Variants in FUCA2 observed in about 807,000 individuals in gnomAD.
FUCA2 encodes the protein plasma alpha-L-fucosidase.
A neutral mutation model predicts 52.6 loss-of-function variants in FUCA2; 41 were observed. That is an observed-to-expected ratio of 0.78 (90% CI 0.61 to 1.01). The LOEUF (loss-of-function observed/expected upper bound fraction) is 1.01. Ranked by LOEUF, FUCA2 falls within the 50% of genes least tolerant of loss-of-function variation. FUCA2 has a pLI of 0.00. For synonymous variants in FUCA2, 211 were observed against 217.3 expected (o/e 0.97, Z 0.26); for missense variants, 507 against 569.5 (o/e 0.89, Z 1.12).
At position 143,502,102 on chromosome 6, in the gene FUCA2, T is replaced by G. The variant is rs1477444178; in HGVS notation, c.984A>C (p.Ser328=). 6.2e-7 allele frequency: 1 copy of G among 1,608,638 alleles called. No homozygotes were observed. Among genetic ancestry groups the G allele is most frequent in the Admixed American group, 1.7e-5 (1 of 59,086 alleles). Residue 328 remains serine (S), a synonymous_variant, in exon 5 of 7, where the codon TCA becomes TCC. Coordinates refer to ENST00000002165, the MANE Select transcript of FUCA2 (RefSeq NM_032020.5). The surrounding 1 kb of genome is among the most constrained non-coding windows in gnomAD (Gnocchi z 4.1). ...ELVKQLVETV[S]CGGNLLMNIG... is the part of the protein sequence containing the mutation. ...TATTCATCAAAAGATTTCCTCCACA[T>G]GAAACTGTCTCTACAAGTTGCTAAA...
Position 143,502,304 on chromosome 6 carries a change from A to G in FUCA2, c.963+51T>C. ...CCATAGAAGAAATAATTCCTACATG[A>G]CCACACTATTAAGAATATTATGTTA... On this transcript the variant is annotated intron_variant, in intron 4 of 6. Transcript: ENST00000002165. This position sits in a 1 kb window ranked among gnomAD's most constrained non-coding sequence, Gnocchi z 4.1. 1 of 1,542,794 alleles carries G rather than the reference A, an allele frequency of 6.5e-7. No individual in the cohort carries two copies.
chr6:143,496,773 C>T (rs1780465711), intron 6 of FUCA2: 1 of 152,148 alleles, frequency 6.6e-6, no homozygotes, highest in South Asian at 2.1e-4. Flanking sequence ...TCAGGGAAAG[C>T]ATCCGAATTC....
chr6:143,511,712 G>T lies in FUCA2; in HGVS notation c.-78C>A. 1 of 1,322,200 alleles carries T rather than the reference G, an allele frequency of 7.6e-7. No individual in the cohort carries two copies. Among genetic ancestry groups the T allele is most frequent in the South Asian group, 1.6e-5 (1 of 63,662 alleles). The allele number at this position is 1,322,200 out of a possible 1,614,324, so 81.9% of individuals were successfully genotyped here. ...GCTGTTCTTCCGTCTCTGCCGCTGAGTATGCCGCGCCGCGGTCACCTGACC... is the reference window on the plus strand; with the variant it reads ...GCTGTTCTTCCGTCTCTGCCGCTGATTATGCCGCGCCGCGGTCACCTGACC... On this transcript the variant is annotated 5_prime_UTR_variant, in exon 1 of 7. Transcript: ENST00000002165. The surrounding 1 kb of genome is among the most constrained non-coding windows in gnomAD (Gnocchi z 6.3).
At position 143,507,152 on chromosome 6, in the gene FUCA2, A is replaced by G; in HGVS notation, c.412+85T>C. ...ATGGTTGCTCCGAAGAGAAAATTAGACCTTGCTTTAGTTTTTTCTTCCAAA... is the reference window on the plus strand; with the variant it reads ...ATGGTTGCTCCGAAGAGAAAATTAGGCCTTGCTTTAGTTTTTTCTTCCAAA... On this transcript the variant is annotated intron_variant, in intron 2 of 6. Coordinates refer to ENST00000002165, the MANE Select transcript of FUCA2 (RefSeq NM_032020.5). The surrounding 1 kb of genome is among the most constrained non-coding windows in gnomAD (Gnocchi z 4.5). 1 of 1,298,668 alleles carries G rather than the reference A, an allele frequency of 7.7e-7. No individual in the cohort carries two copies. The highest frequency in any genetic ancestry group is 1.1e-6 in the Non-Finnish European group (1 of 934,618). 80.4% of individuals were successfully genotyped at this position (1,298,668 alleles called of 1,614,324 possible). A position where few individuals can be genotyped will look rare whatever the true frequency, so the allele number is the denominator to read the frequency against.
rs769212130 is a variant in FUCA2 at position 143,511,458 on chromosome 6, G to T, written c.177C>A (p.Ile59=). The T allele has an allele frequency of 6.2e-7, 1 of 1,610,916 alleles. No individual in the cohort carries two copies. The highest frequency in any genetic ancestry group is 1.3e-5 in the African/African-American group (1 of 74,874). ...WFDQAKFGIF[I]HWGVFSVPSF... is the part of the protein sequence containing the mutation. ...TGGGCACGGAAAACACTCCCCAGTG[G>T]ATGAAGATGCCGAACTTGGCCTGGT... The change falls in exon 1 of 7, where the codon ATC becomes ATA. Residue 59 remains isoleucine, a synonymous_variant. Transcript: ENST00000002165. This position sits in a 1 kb window ranked among gnomAD's most constrained non-coding sequence, Gnocchi z 6.3.
chr6:143,499,068 G>A lies in FUCA2; in HGVS notation c.1155-1571C>T, dbSNP rs947839425. 6.6e-6 allele frequency among the ~76,000 whole-genome samples: 1 copy of A among 152,220 alleles called. No individual in the cohort carries two copies. The highest frequency in any genetic ancestry group is 2.4e-5 in the African/African-American group (1 of 41,458). ...TGAGATGGGAAAGACCATGGGTGGA[G>A]CTAGTTGATAGCAAAATTTTAAAAC... On this transcript the variant is annotated intron_variant, in intron 5 of 6. Coordinates refer to ENST00000002165, the MANE Select transcript of FUCA2 (RefSeq NM_032020.5). This position sits in a 1 kb window ranked among gnomAD's most constrained non-coding sequence, Gnocchi z 6.0.
rs111404250 is a variant in FUCA2 at position 143,497,529 on chromosome 6, A to G, written c.1155-32T>C. On this transcript the variant is annotated intron_variant, in intron 5 of 6. Transcript: ENST00000002165. This position sits in a 1 kb window ranked among gnomAD's most constrained non-coding sequence, Gnocchi z 5.3. ...AAAAGAAAAAAATAAAGAGCATAGT[A>G]GCAAGTTACATCCCATGTTTCTCAC... 3,119 of 1,157,728 alleles carry G rather than the reference A, an allele frequency of 2.7e-3. 41 individuals are homozygous for G. In the African/African-American group the frequency reaches 0.037, roughly 14 times the overall value. The allele number at this position is 1,157,728 out of a possible 1,614,324, so 71.7% of individuals were successfully genotyped here.
rs1341394501 is a variant in FUCA2, at chr6:143,502,481, A to T, written c.837T>A (p.Asp279Glu). Residue 279 changes from aspartate to glutamate, a missense_variant, in exon 4 of 7, where the codon GAT becomes GAA. Asp to Glu is a conservative substitution (Grantham distance 45). Coordinates refer to ENST00000002165, the MANE Select transcript of FUCA2 (RefSeq NM_032020.5). The surrounding 1 kb of genome is among the most constrained non-coding windows in gnomAD (Gnocchi z 4.1). ...GCAAAAGATGTCCTGGGTTATAACG[A>T]TCACTGCAGGTATAGAAGCCACCAT... ...CKHGGFYTCSDRYNPGHLLPH... is the reference protein window; with the variant it reads ...CKHGGFYTCSERYNPGHLLPH... The T allele has an allele frequency of 6.2e-7, 1 of 1,614,116 alleles. No homozygotes were observed.
chr6:143,497,872 C>T lies in FUCA2; in HGVS notation c.1155-375G>A, dbSNP rs575777419. ...AAGACAAGATATGCATGTGTCAATT[C>T]TGTGCCTAGTACTGTGCTCAGTGTT... On this transcript the variant is annotated intron_variant, in intron 5 of 6. Transcript: ENST00000002165. This position sits in a 1 kb window ranked among gnomAD's most constrained non-coding sequence, Gnocchi z 5.3. 2.6e-5 allele frequency among the ~76,000 whole-genome samples: 4 copies of T among 152,280 alleles called. No homozygotes were observed. In the East Asian group the frequency reaches 7.7e-4, roughly 29 times the overall value.
intron 2 of FUCA2, chr6:143,506,105 T>A (rs1287510692): frequency 2.0e-5 from 3 of 151,934 alleles, no homozygotes; most frequent in African/African-American, 7.2e-5. Context: ...GGGAAAAATA[T>A]CCTATGATCA....
At position 143,511,577 on chromosome 6, in the gene FUCA2, G is replaced by GCAGCAACAGCAA. The variant is rs781434054; in HGVS notation, c.46_57dup (p.Leu18_Leu21dup). ...GCAGGGCACGGCGGCGGCGGCAGCA[G>GCAGCAACAGCAA]CAGCAACAGCAACAGCAGCAACGGG... On this transcript the variant is annotated inframe_insertion, in exon 1 of 7. Transcript: ENST00000002165. This position sits in a 1 kb window ranked among gnomAD's most constrained non-coding sequence, Gnocchi z 6.3. The GCAGCAACAGCAA allele has an allele frequency of 1.3e-6, 2 of 1,559,658 alleles. No homozygotes were observed. Among genetic ancestry groups the GCAGCAACAGCAA allele is most frequent in the Non-Finnish European group, 1.7e-6 (2 of 1,152,590 alleles).
At position 143,503,411 on chromosome 6, in the gene FUCA2, C is replaced by A; in HGVS notation, c.752+502G>T. ...TCTAATAGGGCAGCCTTGAACATAC[C>A]AGGAAGCAATAGGAAAAAACTGGAG... On this transcript the variant is annotated intron_variant, in intron 3 of 6. Transcript: ENST00000002165. The surrounding 1 kb of genome is among the most constrained non-coding windows in gnomAD (Gnocchi z 4.8). 1 of 156,338 alleles carries A rather than the reference C, an allele frequency of 6.4e-6. No homozygotes were observed. The highest frequency in any genetic ancestry group is 6.3e-5 in the Admixed American group (1 of 15,864). The allele number at this position is 156,338 out of a possible 1,614,324, so 9.7% of individuals were successfully genotyped here.
rs1780545239 is a variant in FUCA2 at position 143,502,587 on chromosome 6, T to G, written c.753-22A>C. 6.3e-7 allele frequency: 1 copy of G among 1,591,908 alleles called. No homozygotes were observed. Among genetic ancestry groups the G allele is most frequent in the Non-Finnish European group, 8.6e-7 (1 of 1,168,998 alleles). Reference sequence around the variant, plus strand: ...TGGGCTGAAATGAAACATACAATTTTTTAAAACAAAAGGTATAAGCTTTTT... The same window carrying G: ...TGGGCTGAAATGAAACATACAATTTGTTAAAACAAAAGGTATAAGCTTTTT... On this transcript the variant is annotated intron_variant, in intron 3 of 6. Coordinates refer to ENST00000002165, the MANE Select transcript of FUCA2 (RefSeq NM_032020.5). The surrounding 1 kb of genome is among the most constrained non-coding windows in gnomAD (Gnocchi z 4.1).
In FUCA2 at chr6:143,511,285, A is replaced by C. The variant is rs1252133114; in HGVS notation, c.224+126T>G. ...CGGAAGTGCGAAACGCGGGTAACGC[A>C]GTGGGAGGTGAAACCGACGAGGGTG... On this transcript the variant is annotated intron_variant, in intron 1 of 6. Transcript: ENST00000002165. This position sits in a 1 kb window ranked among gnomAD's most constrained non-coding sequence, Gnocchi z 6.3. 2.6e-6 allele frequency: 2 copies of C among 767,368 alleles called. No individual in the cohort carries two copies. Among genetic ancestry groups the C allele is most frequent in the Admixed American group, 6.4e-5 (2 of 31,102 alleles). The allele number at this position is 767,368 out of a possible 1,614,324, so 47.5% of individuals were successfully genotyped here. A position where few individuals can be genotyped will look rare whatever the true frequency, so the allele number is the denominator to read the frequency against.
Position 143,501,855 on chromosome 6 carries a change from C to T in FUCA2, c.1154+77G>A. The T allele has an allele frequency of 1.5e-6, 2 of 1,303,570 alleles. No individual in the cohort carries two copies. Among genetic ancestry groups the T allele is most frequent in the South Asian group, 3.0e-5 (2 of 66,080 alleles). 80.8% of individuals were successfully genotyped at this position (1,303,570 alleles called of 1,614,324 possible). A position where few individuals can be genotyped will look rare whatever the true frequency, so the allele number is the denominator to read the frequency against. On this transcript the variant is annotated intron_variant, in intron 5 of 6. Transcript: ENST00000002165. The surrounding 1 kb of genome is among the most constrained non-coding windows in gnomAD (Gnocchi z 6.1). ...AATTCATCCAATTTCTCTTTTTATC[C>T]TACTCTTCTTTATATGTCTGATAAA...
rs967618075 is a variant in FUCA2 at position 143,507,968 on chromosome 6, C to G, written c.225-544G>C. 1.3e-5 allele frequency among the ~76,000 whole-genome samples: 2 copies of G among 152,122 alleles called. No homozygotes were observed. The highest frequency in any genetic ancestry group is 2.9e-5 in the Non-Finnish European group (2 of 68,028). On this transcript the variant is annotated intron_variant, in intron 1 of 6. Transcript: ENST00000002165. The surrounding 1 kb of genome is among the most constrained non-coding windows in gnomAD (Gnocchi z 4.5). Reference sequence around the variant, plus strand: ...ACAGGCATGAGTCACCGTGTCCAGCCCCATTCTCTTTTAATTCTTCACTTT... The same window carrying G: ...ACAGGCATGAGTCACCGTGTCCAGCGCCATTCTCTTTTAATTCTTCACTTT...
Position 143,495,732 on chromosome 6 carries a change from G to A in FUCA2, c.1379C>T (p.Ala460Val), listed in dbSNP as rs151156975. ...TTAGATCACATTAGTCAGGGCTAGA[G>A]CCCAGCCCCATTTACACGGCATCTG... is the stretch of plus-strand genomic sequence containing the variant. ...IHQMPCKWGW[A>V]LALTNVI is the part of the protein sequence containing the mutation. The change falls in exon 7 of 7, where the codon GCT becomes GTT. Residue 460 changes from alanine (A) to valine (V), a missense_variant. Ala to Val is a moderately conservative substitution (Grantham distance 64, BLOSUM62 0). Transcript: ENST00000002165. This position sits in a 1 kb window ranked among gnomAD's most constrained non-coding sequence, Gnocchi z 5.2. 1.7e-5 allele frequency: 27 copies of A among 1,613,910 alleles called. No individual in the cohort carries two copies. Among genetic ancestry groups the A allele is most frequent in the Non-Finnish European group, 2.1e-5 (25 of 1,179,958 alleles).
chr6:143,497,183 A>G lies in FUCA2; in HGVS notation c.1263+206T>C. The G allele has an allele frequency of 2.0e-6, 1 of 509,548 alleles. No homozygotes were observed. Among genetic ancestry groups the G allele is most frequent in the South Asian group, 2.3e-5 (1 of 43,724 alleles). The allele number at this position is 509,548 out of a possible 1,614,324, so 31.6% of individuals were successfully genotyped here. A position where few individuals can be genotyped will look rare whatever the true frequency, so the allele number is the denominator to read the frequency against. ...TGCTATGTTGCCCAGGCTAGTCTCA[A>G]ACTTCTGGCCTCAAGACATCCTCCT... On this transcript the variant is annotated intron_variant, in intron 6 of 6. Coordinates refer to ENST00000002165, the MANE Select transcript of FUCA2 (RefSeq NM_032020.5). The surrounding 1 kb of genome is among the most constrained non-coding windows in gnomAD (Gnocchi z 5.3).
chr6:143,510,630 C>T lies in FUCA2; in HGVS notation c.224+781G>A, dbSNP rs898450015. ...CTCCAGCCTGGGTGACAGAATGAGA[C>T]TATGTCTCAAAAAAAAAAAAAAAAG... On this transcript the variant is annotated intron_variant, in intron 1 of 6. Coordinates refer to ENST00000002165, the MANE Select transcript of FUCA2 (RefSeq NM_032020.5). The surrounding 1 kb of genome is among the most constrained non-coding windows in gnomAD (Gnocchi z 4.4). Among the ~76,000 whole-genome samples the T allele has an allele frequency of 8.5e-5, 12 of 140,460 alleles. No individual in the cohort carries two copies. The highest frequency in any genetic ancestry group is 3.7e-4 in the Admixed American group (5 of 13,450). 92.1% of individuals were successfully genotyped at this position (140,460 alleles called of 152,430 possible).
Sources: allele counts gnomAD v4.1 joint callset (sites outside exome capture counted in the v4.1 genomes callset), GRCh38; gene constraint gnomAD v4.1.1; non-coding constraint Gnocchi (gnomAD v3.1); transcripts MANE v1.5; gene names NCBI Gene and HGNC (gene_info 2026-07-23, HGNC 2026-07-21).